The following TRPM7 variants were observed in gnomAD, a reference collection of about 807,000 sequenced individuals.
TRPM7 encodes LTRPC ion channel family member 7.
TRPM7 carries 134 observed loss-of-function variants against 229.7 expected under a neutral mutation model. The observed-to-expected ratio is 0.58, with a 90% CI of 0.51 to 0.67. The LOEUF (loss-of-function observed/expected upper bound fraction) is 0.67. Ranked by LOEUF, TRPM7 falls within the 30% of genes least tolerant of loss-of-function variation. TRPM7 has a pLI of 0.00. For synonymous variants in TRPM7, 699 were observed against 715.2 expected (o/e 0.98, Z 0.36); for missense variants, 1,901 against 2,210.0 (o/e 0.86, Z 2.80).
At position 50,632,293 on chromosome 15, in the gene TRPM7, C is replaced by CA. The variant is rs11316484; in HGVS notation, c.1131+575dup. On this transcript the variant is annotated intron_variant, in intron 9 of 38. Transcript: ENST00000646667. ...GAGCAATGGAGCGAGACTCTGTCTC[C>CA]AAAAAAAAAAATAAATAAAAATAAA... Among the ~76,000 whole-genome samples the CA allele has an allele frequency of 2.8e-4, 39 of 141,318 alleles. 1 individual carries two copies. The highest frequency in any genetic ancestry group is 1.2e-3 in the Admixed American group (17 of 14,364). 92.7% of individuals were successfully genotyped at this position (141,318 alleles called of 152,430 possible).
At chr15:50,639,971 A>C (rs1345145869) in intron 5 of TRPM7, among the ~76,000 whole-genome samples, 1 of 152,194 alleles carries the variant, frequency 6.6e-6, no homozygotes, top group African/African-American at 2.4e-5. Flanking sequence ...ACAAGGACCA[A>C]AAAGGAACAA....
chr15:50,602,269 A>C (rs2059801625), intron 21 of TRPM7, among the ~76,000 whole-genome samples: 1 of 152,322 alleles, frequency 6.6e-6, no homozygotes, highest in African/African-American at 2.4e-5. Context: ...CATTCTGAGC[A>C]AACTATTGCA....
intron 12 of TRPM7, among the ~76,000 whole-genome samples, chr15:50,620,498 C>CT (rs1386151553): frequency 2.0e-5 from 3 of 152,000 alleles, no homozygotes; most frequent in African/African-American, 7.2e-5. Context: ...AGTGGGCCAC[C>CT]TACCATTATT....
chr15:50,660,055 A>G (rs796897107), intron 2 of TRPM7, among the ~76,000 whole-genome samples: 5 of 152,326 alleles, frequency 3.3e-5, no homozygotes, highest in African/African-American at 9.6e-5. Context: ...TGAACTAAGG[A>G]GGCTTAAATA....
At chr15:50,675,298 A>G (rs2062069124) in intron 1 of TRPM7, among the ~76,000 whole-genome samples, 1 of 151,950 alleles carries the variant, frequency 6.6e-6, no homozygotes, top group South Asian at 2.1e-4. Context: ...AGCCAAGATC[A>G]CGCCATTGCA....
chr15:50,673,640 A>G (rs1035042317), intron 1 of TRPM7, among the ~76,000 whole-genome samples: 1 of 152,056 alleles, frequency 6.6e-6, no homozygotes, highest in Non-Finnish European at 1.5e-5. Flanking sequence ...CCTCGTATAT[A>G]TATATATATA....
At chr15:50,573,371 G>C (rs146420670) in intron 36 of TRPM7, among the ~76,000 whole-genome samples, 21 of 152,308 alleles carry the variant, frequency 1.4e-4, no homozygotes, top group Middle Eastern at 3.4e-3. Context: ...GCCCAAGCTA[G>C]CTAGCCATGT....
intron 4 of TRPM7, among the ~76,000 whole-genome samples, chr15:50,644,387 C>G (rs553160484): frequency 2.0e-5 from 3 of 152,306 alleles, no homozygotes; most frequent in Admixed American, 2.0e-4. Flanking sequence ...TAAGAAACTT[C>G]AAGTATTCAG....
In TRPM7 at chr15:50,613,825, G is replaced by A. The variant is rs767764014; in HGVS notation, c.1652C>T (p.Thr551Ile). ...TCGCAACTGAGGAGTGCTGCTGGAG[G>A]TATTTCGGCCAGACCTCTGAAAATG... ...GGNNRRSGRNTSSSTPQLRKS... is the reference protein window; with the variant it reads ...GGNNRRSGRNISSSTPQLRKS... Residue 551 changes from threonine (T) to isoleucine (I), a missense_variant, in exon 15 of 39, where the codon ACC becomes ATC. Coordinates refer to ENST00000646667, the MANE Select transcript of TRPM7 (RefSeq NM_017672.6). 6 of 1,612,148 alleles carry A rather than the reference G, an allele frequency of 3.7e-6. No homozygotes were observed. Among genetic ancestry groups the A allele is most frequent in the Non-Finnish European group, 4.2e-6 (5 of 1,179,578 alleles).
chr15:50,650,192 C>CAAAAAAAAAA (rs59579538), intron 3 of TRPM7, among the ~76,000 whole-genome samples: 6 of 62,292 alleles, frequency 9.6e-5, no homozygotes, highest in African/African-American at 1.4e-4. Flanking sequence ...GACTTTGTCT[C>CAAAAAAAAAA]AAAAAAAAAA....
intron 1 of TRPM7, among the ~76,000 whole-genome samples, chr15:50,681,905 T>C (rs2062246336): frequency 6.6e-6 from 1 of 152,102 alleles, no homozygotes; most frequent in Admixed American, 6.6e-5. Context: ...CATAAAAGAC[T>C]GTGCGGTGGC....
Position 50,624,211 on chromosome 15 carries a change from C to T in TRPM7, c.1395G>A (p.Met465Ile), listed in dbSNP as rs753492680. Residue 465 changes from methionine (M) to isoleucine (I), a missense_variant, in exon 12 of 39, where the codon ATG becomes ATA. Physicochemically the swap from Met to Ile is conservative, Grantham distance 10. Around this residue, in one of 8 missense-constraint regions of TRPM7, gnomAD observed 794 missense variants for 881.9 expected, o/e 0.90. Coordinates refer to ENST00000646667, the MANE Select transcript of TRPM7 (RefSeq NM_017672.6). ...VKLLIENGVS[M>I]HKFLTIPRLE... ...GTCTCGGAATGGTAAGGAATTTATG[C>T]ATGCTTACTCCATTTTCAATAAGAA... The T allele has an allele frequency of 1.9e-6, 3 of 1,612,416 alleles. No homozygotes were observed. The highest frequency in any genetic ancestry group is 3.3e-5 in the Admixed American group (2 of 59,854).
chr15:50,673,525 G>GT (rs563972146), intron 1 of TRPM7, among the ~76,000 whole-genome samples: 83 of 152,112 alleles, frequency 5.5e-4, no homozygotes, highest in African/African-American at 2.0e-3. Context: ...ATGATGTTTG[G>GT]TTTTCCATTC....
At chr15:50,605,922 T>G (rs538066438) in intron 20 of TRPM7, among the ~76,000 whole-genome samples, 1 of 152,240 alleles carries the variant, frequency 6.6e-6, no homozygotes, top group African/African-American at 2.4e-5. Context: ...AAATTCCTTC[T>G]GGTTCGAGTT....
intron 38 of TRPM7, among the ~76,000 whole-genome samples, chr15:50,563,866 C>A (rs932626503): frequency 4.0e-5 from 6 of 151,754 alleles, no homozygotes; most frequent in African/African-American, 1.2e-4. Context: ...CAAGACAATT[C>A]TTCTTTTTTT....
intron 3 of TRPM7, among the ~76,000 whole-genome samples, chr15:50,652,722 A>C (rs1441006352): frequency 2.6e-5 from 4 of 152,072 alleles, no homozygotes; most frequent in Non-Finnish European, 5.9e-5. Context: ...GAAAAAAACA[A>C]AAACAAAATA....
Position 50,589,624 on chromosome 15 carries a change from TA to T in TRPM7, c.4356del (p.Phe1452LeufsTer8). ...ATTTTTATCTTGTTTGATGTTTCTT[TA>T]AACCTCTGTAAATCCATGCTATCTC... is the stretch of plus-strand genomic sequence containing the variant. ...GHRDSMDLQR[F>X]KETSNKIKIL... is the part of the protein sequence containing the mutation. On this transcript the variant is annotated frameshift_variant, in exon 27 of 39. Coordinates refer to ENST00000646667, the MANE Select transcript of TRPM7 (RefSeq NM_017672.6). LOFTEE classifies it high-confidence loss of function. 6.3e-7 allele frequency: 1 copy of T among 1,593,186 alleles called. No individual in the cohort carries two copies. The highest frequency in any genetic ancestry group is 8.6e-7 in the Non-Finnish European group (1 of 1,165,912).
chr15:50,577,275 T>C (rs1014234029), intron 31 of TRPM7, among the ~76,000 whole-genome samples: 1 of 151,908 alleles, frequency 6.6e-6, no homozygotes, highest in Admixed American at 6.6e-5. Flanking sequence ...TCAGGCCAGG[T>C]GCGGTGGCTC....
At chr15:50,612,993 T>C (rs1056044157) in intron 15 of TRPM7, among the ~76,000 whole-genome samples, 164 bp from the exon 16 acceptor site, 16 of 152,258 alleles carry the variant, frequency 1.1e-4, no homozygotes, top group Non-Finnish European at 1.9e-4. Flanking sequence ...TAATTCATTT[T>C]ATGAAAATGC....
Sources: gnomAD v4.1 joint callset for allele counts (sites outside exome capture counted in the v4.1 genomes callset) on GRCh38, gnomAD v4.1.1 for gene constraint, gnomAD v4.1.1 regional missense constraint, MANE v1.5 for transcripts, NCBI Gene and HGNC (gene_info 2026-07-23, HGNC 2026-07-21) for gene names.